PXDNL: variants seen among roughly 807,000 people sequenced by gnomAD.
PXDNL encodes probable oxidoreductase PXDNL.
In PXDNL, 145 loss-of-function variants were observed where a neutral mutation model predicts 150.8. The ratio of observed to expected loss-of-function variants is 0.96; its 90% confidence interval spans 0.84 to 1.10. The LOEUF is 1.10. Among genes scored for constraint, PXDNL ranks in the 50% least tolerant of loss-of-function variants. The probability of loss-of-function intolerance (pLI) is 0.00; values close to 1 mark genes in which losing one functional copy is unlikely to be tolerated. For missense variants in PXDNL, 2,087 were observed against 1,873.9 expected, an observed-to-expected ratio of 1.11 and a Z score of -2.10; for synonymous variants, 757 against 725.7, an observed-to-expected ratio of 1.04 and a Z score of -0.69.
intron 17 of PXDNL, 97 bp downstream of exon 17, chr8:51,407,970 A>AC: frequency 1.0e-6 from 1 of 982,384 alleles, no homozygotes; most frequent in East Asian, 2.6e-5. Context: ...GCTCTGCAGC[A>AC]CCCCCAGGGA....
chr8:51,485,000 T>C (rs979949359), intron 5 of PXDNL, among the ~76,000 whole-genome samples: 1 of 152,198 alleles, frequency 6.6e-6, no homozygotes, highest in African/African-American at 2.4e-5. Flanking sequence ...AAATAATCAA[T>C]TTATATCTGA....
At chr8:51,716,395 C>T (rs1440318950) in intron 1 of PXDNL, among the ~76,000 whole-genome samples, 2 of 151,996 alleles carry the variant, frequency 1.3e-5, no homozygotes, top group Non-Finnish European at 2.9e-5. Flanking sequence ...TTCCCCTTTC[C>T]CTCTTGCTGA....
intron 19 of PXDNL, among the ~76,000 whole-genome samples, chr8:51,348,780 T>C (rs554304734): frequency 6.6e-6 from 1 of 152,172 alleles, no homozygotes; most frequent in African/African-American, 2.4e-5. Context: ...ATTGTTAACC[T>C]GAGGCACAGA....
intron 20 of PXDNL, among the ~76,000 whole-genome samples, chr8:51,343,330 T>G (rs1806045472): frequency 6.6e-6 from 1 of 152,142 alleles, no homozygotes; most frequent in Non-Finnish European, 1.5e-5. Flanking sequence ...TATGGTACAT[T>G]TAAGCACAAC....
At chr8:51,640,828 T>A (rs1814732247) in intron 2 of PXDNL, among the ~76,000 whole-genome samples, 1 of 151,912 alleles carries the variant, frequency 6.6e-6, no homozygotes, top group Non-Finnish European at 1.5e-5. Context: ...TACCAATGAC[T>A]TTCTTCACAG....
chr8:51,620,942 G>T (rs1417235319), intron 2 of PXDNL, among the ~76,000 whole-genome samples: 1 of 152,158 alleles, frequency 6.6e-6, no homozygotes, highest in African/African-American at 2.4e-5. Context: ...ATTTTTGTAA[G>T]CTGCTACAGA....
intron 1 of PXDNL, among the ~76,000 whole-genome samples, chr8:51,658,437 C>T (rs1399231889): frequency 6.6e-6 from 1 of 151,538 alleles, no homozygotes; most frequent in East Asian, 1.9e-4. Context: ...ACTTAAACTC[C>T]AATAAGTCAC....
intron 12 of PXDNL, chr8:51,436,224 T>G: frequency 1.9e-6 from 1 of 522,374 alleles, no homozygotes; most frequent in Non-Finnish European, 3.9e-6. Context: ...ATGTGTTGAC[T>G]TTCACCATTT....
chr8:51,452,772 T>C (rs1210939279), intron 10 of PXDNL, among the ~76,000 whole-genome samples: 1 of 152,208 alleles, frequency 6.6e-6, no homozygotes, highest in Admixed American at 6.5e-5. Context: ...ACGGATCATG[T>C]AAATTACCGT....
intron 22 of PXDNL, among the ~76,000 whole-genome samples, chr8:51,320,446 T>A (rs1223429809): frequency 6.6e-6 from 1 of 152,234 alleles, no homozygotes; most frequent in Non-Finnish European, 1.5e-5. Flanking sequence ...AGGCAGCATT[T>A]ATAATGAGCC....
Position 51,790,047 on chromosome 8 carries a change from T to C in PXDNL, c.164+19134A>G, listed in dbSNP as rs535339076. On this transcript the variant is annotated intron_variant, in intron 1 of 22. Transcript: ENST00000356297. The stretch of plus-strand genomic sequence containing the variant: ...AATGCTTGTTTTTTAAAAATGTCTC[T>C]AATGCATTAAAATCTATGAGGTTAT... Among the ~76,000 whole-genome samples the C allele has an allele frequency of 2.0e-4, 31 of 152,320 alleles. No homozygotes were observed. The East Asian group carries it at 5.8e-3, about 28-fold the overall frequency.
intron 19 of PXDNL, among the ~76,000 whole-genome samples, chr8:51,362,420 T>TA (rs1806782397): frequency 1.3e-5 from 2 of 152,328 alleles, no homozygotes; most frequent in East Asian, 1.9e-4. Flanking sequence ...AACCTTTTTG[T>TA]AAAAAAACCT....
chr8:51,595,799 C>T (rs548453430), intron 2 of PXDNL, among the ~76,000 whole-genome samples: 25 of 149,764 alleles, frequency 1.7e-4, no homozygotes, highest in Admixed American at 6.0e-4. Flanking sequence ...TCATAAACAA[C>T]GCATAAATCA....
chr8:51,472,214 T>C lies in PXDNL; in HGVS notation c.785A>G (p.Lys262Arg), dbSNP rs1394982926. ...GTTGTGTATCCAAATAATCTCAGGT[T>C]TGGGGTTTCCTTCCGCCCGGCAGGT... ...YFTCRAEGNP[K>R]PEIIWIHNNH... Residue 262 changes from lysine to arginine, a missense_variant, in exon 8 of 23, where the codon AAA (lysine) becomes AGA (arginine). Transcript: ENST00000356297. The C allele has an allele frequency of 6.2e-7, 1 of 1,613,124 alleles. No homozygotes were observed. The highest frequency in any genetic ancestry group is 1.3e-5 in the African/African-American group (1 of 75,016).
At chr8:51,349,124 G>A (rs1806256170) in intron 19 of PXDNL, among the ~76,000 whole-genome samples, 1 of 151,472 alleles carries the variant, frequency 6.6e-6, no homozygotes, top group Non-Finnish European at 1.5e-5. Context: ...TGAAGATACA[G>A]CCAGATAACT....
In PXDNL at chr8:51,590,601, C is replaced by T. The variant is rs960972249; in HGVS notation, c.308+2026G>A. 2.5e-4 allele frequency among the ~76,000 whole-genome samples: 38 copies of T among 152,206 alleles called. 1 individual carries two copies. The highest frequency in any genetic ancestry group is 8.9e-4 in the African/African-American group (37 of 41,458). On this transcript the variant is annotated intron_variant, in intron 3 of 22. Transcript: ENST00000356297. ...GAAGTCTAAGGTTTAACATTGTTTT[C>T]CCTATTAGATTTTGGATTAACTTAG...
At chr8:51,395,456 A>G (rs7012913) in intron 17 of PXDNL, among the ~76,000 whole-genome samples, 30,451 of 152,202 alleles carry the variant, frequency 0.2, 4,988 homozygotes, top group African/African-American at 0.45. Flanking sequence ...ATTCAATGCA[A>G]GAGAAGAGGT....
intron 19 of PXDNL, 99 bp downstream of exon 19, chr8:51,371,774 G>A (rs186633768): frequency 2.0e-5 from 22 of 1,093,676 alleles, no homozygotes; most frequent in African/African-American, 9.3e-5. Context: ...GGCTTTTTGC[G>A]TATCTTTCTT....
chr8:51,682,749 CGA>C (rs368984175), intron 1 of PXDNL, among the ~76,000 whole-genome samples: 108 of 152,034 alleles, frequency 7.1e-4, no homozygotes, highest in Middle Eastern at 3.4e-3. Flanking sequence ...TATGACCATA[CGA>C]GAGAGAGAGA....
Sources: allele counts gnomAD v4.1 joint callset (sites outside exome capture counted in the v4.1 genomes callset), GRCh38; gene constraint gnomAD v4.1.1; transcripts MANE v1.5; gene names NCBI Gene and HGNC (gene_info 2026-07-23, HGNC 2026-07-21).